Variants in TAF5 observed in about 807,000 individuals in gnomAD.
The protein encoded by TAF5 is transcription initiation factor TFIID subunit 5.
A neutral mutation model predicts 80.9 loss-of-function variants in TAF5; 20 were observed. That is an observed-to-expected ratio of 0.25 (90% CI 0.17 to 0.36). The LOEUF (loss-of-function observed/expected upper bound fraction) is 0.36. Among genes scored for constraint, TAF5 ranks in the 10% least tolerant of loss-of-function variants. The pLI is 1.00. For synonymous variants in TAF5, 388 were observed against 406.4 expected (o/e 0.95, Z 0.55); for missense variants, 863 against 1,029.4 (o/e 0.84, Z 2.21).
At chr10:103,375,799 T>TTTAC (rs1353088627) in intron 2 of TAF5, among the ~76,000 whole-genome samples, 1 of 152,060 alleles carries the variant, frequency 6.6e-6, no homozygotes, top group Non-Finnish European at 1.5e-5. Flanking sequence ...AGCTCATGCC[T>TTTAC]GTAATCCCAG....
rs149227762 is a variant in TAF5, at chr10:103,378,284, T to A, written c.847T>A (p.Ser283Thr). The A allele has an allele frequency of 2.3e-4, 376 of 1,614,064 alleles. 3 individuals are homozygous for A. Among genetic ancestry groups the A allele is most frequent in the Middle Eastern group, 1.6e-4 (1 of 6,084 alleles). ...TTACCAGGATGACCTACGAGTATTA[T>A]CTAGTCTTACCAAAAAGGAACACAT... ...CYYQDDLRVL[S>T]SLTKKEHMKG... The change falls in exon 3 of 11, where the codon TCT becomes ACT. Residue 283 changes from serine to threonine, a missense_variant. Coordinates refer to ENST00000369839, the MANE Select transcript of TAF5 (RefSeq NM_006951.5). The surrounding 1 kb of genome is among the most constrained non-coding windows in gnomAD (Gnocchi z 4.1).
chr10:103,387,394 C>G (rs759950484), intron 9 of TAF5, 42 bp downstream of exon 9: 3 of 1,562,744 alleles, frequency 1.9e-6, no homozygotes, highest in South Asian at 2.4e-5. Flanking sequence ...AGGTTGCTTT[C>G]AAAATAAAAA....
At chr10:103,371,125 C>T (rs1168227161) in intron 1 of TAF5, among the ~76,000 whole-genome samples, 3 of 151,898 alleles carry the variant, frequency 2.0e-5, no homozygotes, top group Non-Finnish European at 4.4e-5. Context: ...TGCCTGTTGC[C>T]CCAGCTACTC....
At chr10:103,380,600 C>G (rs1053769074) in intron 5 of TAF5, among the ~76,000 whole-genome samples, 2 of 151,792 alleles carry the variant, frequency 1.3e-5, no homozygotes, top group Admixed American at 6.6e-5. Context: ...TAAGTACTTA[C>G]GTAAACTTAT....
At chr10:103,387,879 AAT>A in intron 10 of TAF5, 125 bp from the exon 11 acceptor site, 1 of 1,105,140 alleles carries the variant, frequency 9.0e-7, no homozygotes, top group Non-Finnish European at 1.3e-6. Flanking sequence ...CTTAGGAAGG[AAT>A]AGAGTTATTG....
In TAF5 at chr10:103,368,493, T is replaced by C; in HGVS notation, c.504T>C (p.Ala168=). The C allele has an allele frequency of 1.3e-6, 2 of 1,574,550 alleles. No individual in the cohort carries two copies. The highest frequency in any genetic ancestry group is 1.7e-6 in the Non-Finnish European group (2 of 1,169,880). Residue 168 remains alanine (A), a synonymous_variant, in exon 1 of 11, where the codon GCT becomes GCC. Transcript: ENST00000369839. The part of the protein sequence containing the change: ...PAAPDPPGTG[A]SGATVVSGSA... ...CCCCCGACCCTCCGGGCACTGGCGC[T>C]TCGGGGGCCACGGTCGTCTCAGGTT...
chr10:103,379,622 A>T lies in TAF5; in HGVS notation c.1128A>T (p.Leu376Phe). 6.3e-7 allele frequency: 1 copy of T among 1,582,108 alleles called. No individual in the cohort carries two copies. Among genetic ancestry groups the T allele is most frequent in the African/African-American group, 1.4e-5 (1 of 72,782 alleles). ...TTGACTTGTAGGTATTTTTTGGTTT[A>T]TTAAAAGAACCAGAAATTGAGGTAC... ...EANKSKVFFG[L>F]LKEPEIEVPL... The change falls in exon 4 of 11, where the codon TTA (leucine) becomes TTT (phenylalanine). Residue 376 changes from leucine to phenylalanine, a missense_variant. Leu to Phe is a conservative substitution (Grantham distance 22). Coordinates refer to ENST00000369839, the MANE Select transcript of TAF5 (RefSeq NM_006951.5).
intron 2 of TAF5, among the ~76,000 whole-genome samples, chr10:103,375,187 G>A (rs894170986): frequency 6.6e-6 from 1 of 151,784 alleles, no homozygotes; most frequent in African/African-American, 2.4e-5. Flanking sequence ...CTGGGCGGAG[G>A]AGCAGGAATA....
Position 103,378,913 on chromosome 10 carries a change from G to A in TAF5, c.1113+363G>A, listed in dbSNP as rs1393982408. Among the ~76,000 whole-genome samples, 1 of 152,110 alleles carries A rather than the reference G, an allele frequency of 6.6e-6. No individual in the cohort carries two copies. The highest frequency in any genetic ancestry group is 2.4e-5 in the African/African-American group (1 of 41,416). ...GACCTCAGATGATCCACCCGACTCCGCCTCCCAAAGTGCTGGCATAACAGG... is the reference window on the plus strand; with the variant it reads ...GACCTCAGATGATCCACCCGACTCCACCTCCCAAAGTGCTGGCATAACAGG... On this transcript the variant is annotated intron_variant, in intron 3 of 10. Transcript: ENST00000369839. The surrounding 1 kb of genome is among the most constrained non-coding windows in gnomAD (Gnocchi z 4.1).
Position 103,373,388 on chromosome 10 carries a change from A to G in TAF5, c.590A>G (p.Asp197Gly). The G allele has an allele frequency of 6.2e-7, 1 of 1,614,018 alleles. No homozygotes were observed. The highest frequency in any genetic ancestry group is 8.5e-7 in the Non-Finnish European group (1 of 1,180,004). The change falls in exon 2 of 11, where the codon GAT (aspartate) becomes GGT (glycine). Residue 197 changes from aspartate to glycine, a missense_variant. Physicochemically the swap from Asp to Gly is moderately conservative, Grantham distance 94. Transcript: ENST00000369839. ...AGTGTTGCTGTGGAAGACCAGCCAG[A>G]TGTCAGTGCCGTGTTGTCAGCCTAC... Reference protein sequence around the residue: ...VGSVAVEDQPDVSAVLSAYNQ... With the variant: ...VGSVAVEDQPGVSAVLSAYNQ...
At chr10:103,383,551 C>T (rs566478198) in intron 7 of TAF5, among the ~76,000 whole-genome samples, 184 bp downstream of exon 7, 6 of 148,826 alleles carry the variant, frequency 4.0e-5, no homozygotes, top group Admixed American at 2.7e-4. Context: ...GGTGTTTGTA[C>T]ATGGTAGCAA....
chr10:103,376,068 A>G (rs562958548), intron 2 of TAF5, among the ~76,000 whole-genome samples: 1 of 151,624 alleles, frequency 6.6e-6, no homozygotes, highest in East Asian at 2.0e-4. Context: ...AAAAAAAAAA[A>G]AGGAGGCCGT....
At position 103,387,702 on chromosome 10, in the gene TAF5, A is replaced by T. The variant is rs1374551748; in HGVS notation, c.2185+4A>T. On this transcript the variant is annotated splice_donor_region_variant and intron_variant, in intron 10 of 10. Transcript: ENST00000369839. ...GATGGTGAAATTTTGGCATCAGGTA[A>T]ATGACTATTAATGGCTTTACGATAA... 32 of 1,608,576 alleles carry T rather than the reference A, an allele frequency of 2.0e-5. No individual in the cohort carries two copies. The highest frequency in any genetic ancestry group is 2.7e-5 in the Non-Finnish European group (32 of 1,178,098).
chr10:103,384,829 T>C (rs980657234), intron 7 of TAF5, among the ~76,000 whole-genome samples: 1 of 152,176 alleles, frequency 6.6e-6, no homozygotes, highest in Non-Finnish European at 1.5e-5. Context: ...TTGAAAAAGG[T>C]AGAGAATTAT....
In TAF5 at chr10:103,379,887, C is replaced by A. The variant is rs777626714; in HGVS notation, c.1281C>A (p.Ile427=). The A allele has an allele frequency of 8.1e-6, 13 of 1,608,668 alleles. No homozygotes were observed. The Middle Eastern group carries it at 4.9e-4, about 61-fold the overall frequency. The change falls in exon 5 of 11, where the codon ATC becomes ATA. Residue 427 remains isoleucine (I), a synonymous_variant. Transcript: ENST00000369839. ...QDPNAPPQNR[I]PLPELKDSDK... ...TGACTCTCTTTTTCTTTCACAGAAT[C>A]CCTCTTCCTGAGTTGAAAGATTCAG...
At chr10:103,370,949 T>C (rs2093358155) in intron 1 of TAF5, among the ~76,000 whole-genome samples, 1 of 152,158 alleles carries the variant, frequency 6.6e-6, no homozygotes, top group Non-Finnish European at 1.5e-5. Context: ...TGTGTGCAGA[T>C]GTGATTGAAG....
In TAF5 at chr10:103,378,836, CTT is replaced by C. The variant is rs2093375641; in HGVS notation, c.1113+288_1113+289del. 6.6e-6 allele frequency among the ~76,000 whole-genome samples: 1 copy of C among 151,946 alleles called. No individual in the cohort carries two copies. The highest frequency in any genetic ancestry group is 1.5e-5 in the Non-Finnish European group (1 of 67,988). On this transcript the variant is annotated intron_variant, in intron 3 of 10. Transcript: ENST00000369839. The surrounding 1 kb of genome is among the most constrained non-coding windows in gnomAD (Gnocchi z 4.1). ...CCAACCTGGCTAATTTTTGTATTTA[CTT>C]TAGTAGAGACAGGGTTTCACCATGT...
At position 103,378,379 on chromosome 10, in the gene TAF5, C is replaced by T. The variant is rs1386420224; in HGVS notation, c.942C>T (p.Tyr314=). The change falls in exon 3 of 11, where the codon TAC becomes TAT. Residue 314 remains tyrosine, a synonymous_variant. Coordinates refer to ENST00000369839, the MANE Select transcript of TAF5 (RefSeq NM_006951.5). The surrounding 1 kb of genome is among the most constrained non-coding windows in gnomAD (Gnocchi z 4.1). The part of the protein sequence containing the change: ...KFVLRISRDS[Y]QLLKRHLQEK... ...TTCTGCGTATTTCCCGTGACTCGTACCAACTCTTGAAGAGGCATCTTCAGG... is the reference window on the plus strand; with the variant it reads ...TTCTGCGTATTTCCCGTGACTCGTATCAACTCTTGAAGAGGCATCTTCAGG... 1.2e-6 allele frequency: 2 copies of T among 1,614,080 alleles called. No homozygotes were observed. The highest frequency in any genetic ancestry group is 1.7e-6 in the Non-Finnish European group (2 of 1,180,016).
chr10:103,368,377 T>G lies in TAF5; in HGVS notation c.388T>G (p.Ser130Ala), dbSNP rs10883859. 537,298 of 1,499,000 alleles carry G rather than the reference T, an allele frequency of 0.36. 94,606 individuals carry two copies. The highest frequency in any genetic ancestry group is 0.48 in the East Asian group (19,431 of 40,424). 92.9% of individuals were successfully genotyped at this position (1,499,000 alleles called of 1,614,324 possible). Residue 130 changes from serine to alanine, a missense_variant, in exon 1 of 11, where the codon TCC (serine) becomes GCC (alanine). Ser to Ala is a moderately conservative substitution (Grantham distance 99). Transcript: ENST00000369839. ...AGLLEEAVAG[S>A]GAPGEVDSAG... ...GCTGCTGGAGGAGGCAGTGGCGGGC[T>G]CCGGAGCCCCGGGAGAGGTGGACAG...
Sources: allele counts gnomAD v4.1 joint callset (sites outside exome capture counted in the v4.1 genomes callset), GRCh38; gene constraint gnomAD v4.1.1; non-coding constraint Gnocchi (gnomAD v3.1); transcripts MANE v1.5; gene names NCBI Gene and HGNC (gene_info 2026-07-23, HGNC 2026-07-21).